CUX1: variants seen among roughly 807,000 people sequenced by gnomAD.
CUX1 encodes the protein protein CASP.
A neutral mutation model predicts 158.8 loss-of-function variants in CUX1; 31 were observed. That is an observed-to-expected ratio of 0.20 (90% CI 0.15 to 0.26). The LOEUF (loss-of-function observed/expected upper bound fraction) is 0.26. Among genes scored for constraint, CUX1 ranks in the 10% least tolerant of loss-of-function variants. The pLI is 1.00. For synonymous variants in CUX1, 879 were observed against 862.1 expected (o/e 1.02, Z -0.34); for missense variants, 1,589 against 2,014.6 (o/e 0.79, Z 4.04).
At chr7:101,972,636 C>T (rs1437411653) in intron 2 of CUX1, among the ~76,000 whole-genome samples, 1 of 152,242 alleles carries the variant, frequency 6.6e-6, no homozygotes, top group African/African-American at 2.4e-5. Context: ...CGCGCCCTCA[C>T]CACCTCCTGT....
intron 2 of CUX1, among the ~76,000 whole-genome samples, chr7:101,992,740 A>C (rs929460179): frequency 2.6e-5 from 4 of 152,024 alleles, no homozygotes; most frequent in African/African-American, 9.7e-5. Flanking sequence ...CAGGGGTGCA[A>C]TTTGGGGTGT....
intron 2 of CUX1, 86 bp from the exon 3 acceptor site, chr7:102,028,012 A>G: frequency 7.0e-7 from 1 of 1,419,250 alleles, no homozygotes; most frequent in Non-Finnish European, 9.9e-7. Context: ...ACTGACTGCC[A>G]CGCTGTTTTT....
rs571045921 is a variant in CUX1, at chr7:102,002,684, G to A, written c.142-25414G>A. On this transcript the variant is annotated intron_variant, in intron 2 of 23. Transcript: ENST00000292535. Reference sequence around the variant, plus strand: ...GTCCCACTTGGGAGTTACAGATCAGGCTCCTTTGATGTCAGAGCATCGCAG... The same window carrying A: ...GTCCCACTTGGGAGTTACAGATCAGACTCCTTTGATGTCAGAGCATCGCAG... 3.9e-5 allele frequency among the ~76,000 whole-genome samples: 6 copies of A among 152,252 alleles called. No homozygotes were observed. In the South Asian group the frequency reaches 1.0e-3, roughly 26 times the overall value.
At chr7:102,125,840 T>TTTA (rs1269418162) in intron 8 of CUX1, 3 of 130,826 alleles carry the variant, frequency 2.3e-5, no homozygotes, top group African/African-American at 1.0e-4. Context: ...ATTTTATTTA[T>TTTA]TTTTTTGAGA....
chr7:101,896,857 G>T (rs901144610), intron 1 of CUX1, among the ~76,000 whole-genome samples: 1 of 152,196 alleles, frequency 6.6e-6, no homozygotes, highest in Non-Finnish European at 1.5e-5. Flanking sequence ...GAAAGTGCAC[G>T]TTTGTACCAG....
chr7:101,940,929 A>G (rs1255428408), intron 2 of CUX1, among the ~76,000 whole-genome samples: 2 of 152,212 alleles, frequency 1.3e-5, no homozygotes, highest in African/African-American at 4.8e-5. Context: ...TCAGAGTCAC[A>G]CAGCAATCCA....
Position 102,039,642 on chromosome 7 carries a change from G to A in CUX1, c.189+11497G>A, listed in dbSNP as rs550976872. Among the ~76,000 whole-genome samples the A allele has an allele frequency of 3.4e-5, 5 of 147,934 alleles. No homozygotes were observed. The East Asian group carries it at 5.9e-4, about 17-fold the overall frequency. ...TGCACTCCAGTCTGGGCAACAGAGC[G>A]AGACCCTGTCTCTATTTCAAAAAAA... On this transcript the variant is annotated intron_variant, in intron 3 of 23. Coordinates refer to ENST00000292535, the MANE Select transcript of CUX1 (RefSeq NM_181552.4).
At chr7:102,007,777 T>C (rs1817554198) in intron 2 of CUX1, among the ~76,000 whole-genome samples, 1 of 151,282 alleles carries the variant, frequency 6.6e-6, no homozygotes, top group African/African-American at 2.4e-5. Context: ...AGAGTCTCAC[T>C]CTTGTCACCC....
At chr7:101,841,909 C>A (rs1795228777) in intron 1 of CUX1, among the ~76,000 whole-genome samples, 1 of 152,126 alleles carries the variant, frequency 6.6e-6, no homozygotes, top group African/African-American at 2.4e-5. Flanking sequence ...TTGGATAAAT[C>A]TATTCAAAAC....
intron 4 of CUX1, among the ~76,000 whole-genome samples, chr7:102,095,972 A>G (rs782464061): frequency 1.3e-5 from 2 of 152,264 alleles, no homozygotes; most frequent in African/African-American, 4.8e-5. Context: ...AGGTCTCTCT[A>G]TCCTGTGTTG....
At chr7:102,001,886 G>C (rs1005697675) in intron 2 of CUX1, among the ~76,000 whole-genome samples, 3 of 152,198 alleles carry the variant, frequency 2.0e-5, no homozygotes, top group African/African-American at 7.2e-5. Flanking sequence ...AGATGTTTCC[G>C]CAAAGGTACT....
chr7:102,233,752 G>A (rs1269405142), intron 21 of CUX1, among the ~76,000 whole-genome samples: 3 of 152,026 alleles, frequency 2.0e-5, no homozygotes, highest in Non-Finnish European at 2.9e-5. Flanking sequence ...ACACTACTGC[G>A]CTCCAGCCTG....
intron 1 of CUX1, among the ~76,000 whole-genome samples, chr7:101,844,879 G>A (rs980003636): frequency 3.9e-5 from 6 of 152,110 alleles, no homozygotes; most frequent in Admixed American, 1.3e-4. Context: ...GCCTCCCAAA[G>A]TGCTGGGATT....
At chr7:102,106,247 G>A (rs993529482) in intron 6 of CUX1, among the ~76,000 whole-genome samples, 3 of 151,870 alleles carry the variant, frequency 2.0e-5, no homozygotes, top group East Asian at 1.9e-4. Flanking sequence ...ACGCCACCAC[G>A]CCCAGCTAAT....
intron 2 of CUX1, among the ~76,000 whole-genome samples, chr7:101,984,049 G>T (rs1813837016): frequency 7.7e-6 from 1 of 129,862 alleles, no homozygotes; most frequent in Non-Finnish European, 1.6e-5. Context: ...CTCCAGCCTG[G>T]GTGACAGAGC....
chr7:101,870,862 A>T (rs760391764), intron 1 of CUX1, among the ~76,000 whole-genome samples: 4 of 152,252 alleles, frequency 2.6e-5, no homozygotes, highest in Non-Finnish European at 4.4e-5. Context: ...GTAATTTTAG[A>T]ATAGATGCTT....
intron 1 of CUX1, among the ~76,000 whole-genome samples, chr7:101,898,882 G>A (rs920171821): frequency 1.4e-4 from 21 of 152,314 alleles, no homozygotes; most frequent in African/African-American, 5.1e-4. Context: ...ATAAGCCACC[G>A]CACCCGGCTA....
chr7:102,171,019 G>A (rs923075144), intron 10 of CUX1, among the ~76,000 whole-genome samples: 31 of 152,214 alleles, frequency 2.0e-4, no homozygotes, highest in African/African-American at 6.8e-4. Flanking sequence ...ATTCTGCACC[G>A]AGTTTATAGA....
intron 22 of CUX1, chr7:102,282,788 C>T (rs372171780): frequency 1.5e-5 from 24 of 1,608,830 alleles, no homozygotes; most frequent in Non-Finnish European, 1.9e-5. Context: ...TGAGGACCCC[C>T]ACTTGGGCCC....
Sources: gnomAD v4.1 joint callset for allele counts (sites outside exome capture counted in the v4.1 genomes callset) on GRCh38, gnomAD v4.1.1 for gene constraint, MANE v1.5 for transcripts, NCBI Gene and HGNC (gene_info 2026-07-23, HGNC 2026-07-21) for gene names.